Variants in ZNF236 observed in about 807,000 individuals in gnomAD.
ZNF236 encodes the protein zinc finger protein 236.
In ZNF236, 50 loss-of-function variants were observed where a neutral mutation model predicts 191.2. The observed-to-expected ratio is 0.26, with a 90% CI of 0.21 to 0.33. The LOEUF is 0.33. Among genes scored for constraint, ZNF236 ranks in the 10% least tolerant of loss-of-function variants. The probability of loss-of-function intolerance (pLI) is 1.00; values close to 1 mark genes in which losing one functional copy is unlikely to be tolerated. For missense variants in ZNF236, 1,754 were observed against 2,374.5 expected, an observed-to-expected ratio of 0.74 and a Z score of 5.43; for synonymous variants, 907 against 928.8, an observed-to-expected ratio of 0.98 and a Z score of 0.43.
intron 13 of ZNF236, among the ~76,000 whole-genome samples, chr18:76,906,928 A>T (rs1336995898): frequency 6.6e-6 from 1 of 152,238 alleles, no homozygotes; most frequent in Non-Finnish European, 1.5e-5. Context: ...CATGCTAAAG[A>T]TAGGTAAAGA....
chr18:76,933,403 G>A (rs1459147132), intron 25 of ZNF236, among the ~76,000 whole-genome samples: 1 of 151,938 alleles, frequency 6.6e-6, no homozygotes, highest in Non-Finnish European at 1.5e-5. Context: ...CTGGGAGGTG[G>A]AGGTTGCAGT....
At chr18:76,862,832 A>C (rs549740896) in intron 3 of ZNF236, among the ~76,000 whole-genome samples, 22 of 152,210 alleles carry the variant, frequency 1.4e-4, no homozygotes, top group African/African-American at 5.3e-4. Context: ...ACAGTTTAAC[A>C]CCCAAAGTGT....
intron 28 of ZNF236, among the ~76,000 whole-genome samples, chr18:76,957,749 C>A (rs953378298): frequency 1.3e-5 from 2 of 152,142 alleles, no homozygotes; most frequent in African/African-American, 4.8e-5. Context: ...TCCCACTTAT[C>A]AGTGAGAACA....
intron 1 of ZNF236, among the ~76,000 whole-genome samples, chr18:76,835,549 A>T (rs914277932): frequency 6.6e-6 from 1 of 152,102 alleles, no homozygotes; most frequent in African/African-American, 2.4e-5. Context: ...GTCATACTTT[A>T]TATCTAGTAA....
At chr18:76,872,457 G>T (rs1327220094) in intron 5 of ZNF236, among the ~76,000 whole-genome samples, 1 of 152,078 alleles carries the variant, frequency 6.6e-6, no homozygotes, top group Non-Finnish European at 1.5e-5. Context: ...AGAGCAAGAA[G>T]GTCCTGACTC....
intron 3 of ZNF236, among the ~76,000 whole-genome samples, chr18:76,857,473 C>T (rs1976078543): frequency 1.3e-5 from 2 of 152,216 alleles, no homozygotes; most frequent in South Asian, 4.1e-4. Context: ...TCTCCCTTCC[C>T]ATTCTTATGA....
chr18:76,904,431 A>T lies in ZNF236; in HGVS notation c.1946A>T (p.Asn649Ile), dbSNP rs781127572. ...CAGTTTTTCCAAAGCTATTTCAATA[A>T]TAATTTTGTCAATGAAGCAGATAGA... is the stretch of plus-strand genomic sequence containing the variant. ...KNQFFQSYFNNNFVNEADRPY... is the reference protein window; with the variant it reads ...KNQFFQSYFNINFVNEADRPY... Residue 649 changes from asparagine (N) to isoleucine (I), a missense_variant, in exon 12 of 31, where the codon AAT (asparagine) becomes ATT (isoleucine). Asn to Ile is a moderately radical substitution (Grantham distance 149). This residue lies in a region of ZNF236 where 641 missense variants were observed against 869.6 expected (regional missense o/e 0.74). Transcript: ENST00000320610. The T allele has an allele frequency of 4.3e-6, 7 of 1,610,318 alleles. No homozygotes were observed. The East Asian group carries it at 1.3e-4, about 31-fold the overall frequency.
chr18:76,851,723 A>G (rs1213627089), intron 2 of ZNF236, 52 bp from the exon 3 acceptor site: 5 of 1,556,892 alleles, frequency 3.2e-6, no homozygotes, highest in Non-Finnish European at 3.5e-6. Flanking sequence ...TTGAACAAGC[A>G]TCTGTGAAAA....
chr18:76,904,416 A>C lies in ZNF236; in HGVS notation c.1931A>C (p.Gln644Pro), dbSNP rs189873475. The change falls in exon 12 of 31, where the codon CAA (glutamine) becomes CCA (proline). Residue 644 changes from glutamine (Q) to proline (P), a missense_variant. Gln to Pro is a moderately conservative substitution (Grantham distance 76, BLOSUM62 -1). This residue lies in a region of ZNF236 where 641 missense variants were observed against 869.6 expected (regional missense o/e 0.74). Coordinates refer to ENST00000320610, the MANE Select transcript of ZNF236 (RefSeq NM_001306089.2). ...CCCATTCCAAAAAACCAGTTTTTCC[A>C]AAGCTATTTCAATAATAATTTTGTC... ...IQPIPKNQFF[Q>P]SYFNNNFVNE... is the part of the protein sequence containing the mutation. 4.8e-3 allele frequency: 7,799 copies of C among 1,609,340 alleles called. 23 individuals carry two copies. The highest frequency in any genetic ancestry group is 6.1e-3 in the Non-Finnish European group (7,183 of 1,178,098).
In ZNF236 at chr18:76,880,019, TAAG is replaced by T. The variant is rs1338865703; in HGVS notation, c.985-93_985-91del. 2 of 1,120,504 alleles carry T rather than the reference TAAG, an allele frequency of 1.8e-6. No individual in the cohort carries two copies. Among genetic ancestry groups the T allele is most frequent in the Non-Finnish European group, 2.5e-6 (2 of 790,630 alleles). 69.4% of individuals were successfully genotyped at this position (1,120,504 alleles called of 1,614,324 possible). On this transcript the variant is annotated intron_variant, in intron 7 of 30. Transcript: ENST00000320610. The surrounding 1 kb of genome is among the most constrained non-coding windows in gnomAD (Gnocchi z 5.0). ...GGATACTCTTAGATTTTAACACCCT[TAAG>T]GAGGGTATTGCCTGTTTTTTTTTTT...
At chr18:76,887,254 C>T (rs1977085215) in intron 9 of ZNF236, among the ~76,000 whole-genome samples, 1 of 151,968 alleles carries the variant, frequency 6.6e-6, no homozygotes. Flanking sequence ...CACCTGTAGT[C>T]CCACCTACTC....
At chr18:76,823,478 G>T (rs942581004) in intron 1 of ZNF236, among the ~76,000 whole-genome samples, 1 of 151,862 alleles carries the variant, frequency 6.6e-6, no homozygotes, top group Non-Finnish European at 1.5e-5. Context: ...TGGAGCTTCT[G>T]GAGAGCGCTG....
At chr18:76,937,824 G>T (rs1344845118) in intron 26 of ZNF236, among the ~76,000 whole-genome samples, 3 of 152,152 alleles carry the variant, frequency 2.0e-5, no homozygotes, top group Non-Finnish European at 4.4e-5. Flanking sequence ...TGCCAAAGGG[G>T]TGTACATTTT....
intron 3 of ZNF236, 81 bp downstream of exon 3, chr18:76,852,020 T>A (rs539915546): frequency 1.4e-6 from 2 of 1,433,372 alleles, no homozygotes; most frequent in South Asian, 3.0e-5. Context: ...ATTTTAGATA[T>A]AAACTTGTTT....
chr18:76,960,959 C>A lies in ZNF236; in HGVS notation c.5419+104C>A. 1 of 1,262,794 alleles carries A rather than the reference C, an allele frequency of 7.9e-7. No individual in the cohort carries two copies. The highest frequency in any genetic ancestry group is 1.1e-6 in the Non-Finnish European group (1 of 931,736). The allele number at this position is 1,262,794 out of a possible 1,614,324, so 78.2% of individuals were successfully genotyped here. A position where few individuals can be genotyped will look rare whatever the true frequency, so the allele number is the denominator to read the frequency against. On this transcript the variant is annotated intron_variant, in intron 30 of 30. Transcript: ENST00000320610. This position sits in a 1 kb window ranked among gnomAD's most constrained non-coding sequence, Gnocchi z 4.4. ...TAGTTCACACAGTGATTTTGCATTG[C>A]ACGTGGTACAGCCTCAGTTGTGTGG...
At chr18:76,901,648 C>T (rs1211118476) in intron 11 of ZNF236, among the ~76,000 whole-genome samples, 1 of 152,064 alleles carries the variant, frequency 6.6e-6, no homozygotes, top group African/African-American at 2.4e-5. Context: ...ATCCCAGCTA[C>T]TCAGGAGGCT....
At chr18:76,924,255 C>T (rs543678201) in intron 21 of ZNF236, among the ~76,000 whole-genome samples, 4 of 152,236 alleles carry the variant, frequency 2.6e-5, no homozygotes, top group Non-Finnish European at 4.4e-5. Context: ...GCCTAGGGCA[C>T]GGCCTCTCAT....
rs2122647753 is a variant in ZNF236, at chr18:76,881,468, A to G, written c.1373A>G (p.Lys458Arg). Residue 458 changes from lysine to arginine, a missense_variant, in exon 9 of 31, where the codon AAA (lysine) becomes AGA (arginine). Lys to Arg is a conservative substitution (Grantham distance 26). Around this residue, in one of 5 missense-constraint regions of ZNF236, gnomAD observed 126 missense variants for 110.9 expected, o/e 1.14. Coordinates refer to ENST00000320610, the MANE Select transcript of ZNF236 (RefSeq NM_001306089.2). ...CAGGAAAGCCCGGAGAAACTGGATA[A>G]AAAAGAAAAAAAAATGATAAAGAAG... ...KEQESPEKLDKKEKKMIKKKS... is the reference protein window; with the variant it reads ...KEQESPEKLDRKEKKMIKKKS... 6.2e-7 allele frequency: 1 copy of G among 1,613,140 alleles called. No homozygotes were observed. Among genetic ancestry groups the G allele is most frequent in the East Asian group, 2.2e-5 (1 of 44,880 alleles).
chr18:76,823,135 C>T (rs1162104198), intron 1 of ZNF236, among the ~76,000 whole-genome samples: 3 of 151,682 alleles, frequency 2.0e-5, no homozygotes, highest in African/African-American at 4.8e-5. Flanking sequence ...CCGCCCGACC[C>T]TGCGCGGCGC....
Sources: gnomAD v4.1 joint callset for allele counts (sites outside exome capture counted in the v4.1 genomes callset) on GRCh38, gnomAD v4.1.1 for gene constraint, gnomAD v4.1.1 regional missense constraint, Gnocchi (gnomAD v3.1) non-coding constraint, MANE v1.5 for transcripts, NCBI Gene and HGNC (gene_info 2026-07-23, HGNC 2026-07-21) for gene names.